The following VCPIP1 variants were observed in gnomAD, a reference collection of about 807,000 sequenced individuals.
The protein encoded by VCPIP1 is deubiquitinating protein VCPIP1.
A neutral mutation model predicts 85.0 loss-of-function variants in VCPIP1; 8 were observed. The ratio of observed to expected loss-of-function variants is 0.09; its 90% CI spans 0.06 to 0.17. The LOEUF (loss-of-function observed/expected upper bound fraction) is 0.17. Among genes scored for constraint, VCPIP1 ranks in the 10% least tolerant of loss-of-function variants. The pLI, the probability that VCPIP1 is intolerant of heterozygous loss-of-function variation, is 1.00. For missense variants in VCPIP1, 1,070 were observed against 1,486.3 expected, an observed-to-expected ratio of 0.72 and a Z score of 4.61; for synonymous variants, 543 against 544.5, an observed-to-expected ratio of 1.00 and a Z score of 0.04.
In VCPIP1 at chr8:66,631,199, T is replaced by C. The variant is rs1586619169; in HGVS notation, c.*3302A>G. Reference sequence around the variant, plus strand: ...GTGTAGTATTTTAAGTATGAACCAATTGAAATTACTGTTGAAAAATGAAGA... The same window carrying C: ...GTGTAGTATTTTAAGTATGAACCAACTGAAATTACTGTTGAAAAATGAAGA... On this transcript the variant is annotated 3_prime_UTR_variant, in exon 3 of 3. Transcript: ENST00000310421. 6.6e-6 allele frequency: 1 copy of C among 152,246 alleles called. No homozygotes were observed. The highest frequency in any genetic ancestry group is 6.5e-5 in the Admixed American group (1 of 15,296). The allele number at this position is 152,246 out of a possible 1,614,324, so 9.4% of individuals were successfully genotyped here.
intron 2 of VCPIP1, among the ~76,000 whole-genome samples, chr8:66,650,092 T>C (rs1484605820): frequency 6.6e-6 from 1 of 151,786 alleles, no homozygotes; most frequent in Non-Finnish European, 1.5e-5. Context: ...TCTTTAGAAA[T>C]ACATATTGAA....
chr8:66,650,447 T>C (rs143797943), intron 2 of VCPIP1, among the ~76,000 whole-genome samples: 9 of 152,210 alleles, frequency 5.9e-5, no homozygotes, highest in Non-Finnish European at 1.2e-4. Flanking sequence ...AGCATTAACA[T>C]AAAATCTTTG....
chr8:66,638,692 T>C (rs910221835), intron 2 of VCPIP1, among the ~76,000 whole-genome samples: 6 of 151,662 alleles, frequency 4.0e-5, no homozygotes, highest in Non-Finnish European at 7.4e-5. Flanking sequence ...GGCAGGAGAA[T>C]GGTGTGAACC....
intron 1 of VCPIP1, among the ~76,000 whole-genome samples, chr8:66,659,021 C>A (rs1396487106): frequency 6.6e-6 from 1 of 152,100 alleles, no homozygotes; most frequent in Non-Finnish European, 1.5e-5. Flanking sequence ...CTGACAAATT[C>A]TGTTCTTCAC....
chr8:66,666,815 G>A lies in VCPIP1; in HGVS notation c.144C>T (p.Ser48=). The A allele has an allele frequency of 6.2e-7, 1 of 1,613,958 alleles. No homozygotes were observed. The highest frequency in any genetic ancestry group is 1.1e-5 in the South Asian group (1 of 91,086). Residue 48 remains serine, a synonymous_variant, in exon 1 of 3, where the codon AGC becomes AGT. Transcript: ENST00000310421. This position sits in a 1 kb window ranked among gnomAD's most constrained non-coding sequence, Gnocchi z 6.3. ...KRRDRRILSG[S]CPDPKCQARL... ...GCGCCTGACACTTCGGATCCGGGCA[G>A]CTCCCGGAAAGGATTCTCCGGTCTC...
At position 66,665,976 on chromosome 8, in the gene VCPIP1, G is replaced by A; in HGVS notation, c.983C>T (p.Pro328Leu). ...YSATFLPGLIPAEKCTGKDGH... is the reference protein window; with the variant it reads ...YSATFLPGLILAEKCTGKDGH... ...ATCTTTCCCAGTGCACTTCTCTGCAGGGATGAGCCCAGGTAGAAAGGTGGC... is the reference window on the plus strand; with the variant it reads ...ATCTTTCCCAGTGCACTTCTCTGCAAGGATGAGCCCAGGTAGAAAGGTGGC... Residue 328 changes from proline to leucine, a missense_variant, in exon 1 of 3, where the codon CCT becomes CTT. By Grantham distance (98) the Pro-to-Leu change is moderately conservative. Around this residue, in one of 8 missense-constraint regions of VCPIP1, gnomAD observed 118 missense variants for 337.1 expected, o/e 0.35. Coordinates refer to ENST00000310421, the MANE Select transcript of VCPIP1 (RefSeq NM_025054.5). This position sits in a 1 kb window ranked among gnomAD's most constrained non-coding sequence, Gnocchi z 4.3. 6.2e-7 allele frequency: 1 copy of A among 1,614,194 alleles called. No homozygotes were observed. Among genetic ancestry groups the A allele is most frequent in the Non-Finnish European group, 8.5e-7 (1 of 1,180,034 alleles).
chr8:66,638,970 C>CTCTCTCTCTCTCTCTCTCTCTATATATA, intron 2 of VCPIP1, among the ~76,000 whole-genome samples: 8 of 118,428 alleles, frequency 6.8e-5, no homozygotes, highest in South Asian at 5.5e-4. Flanking sequence ...CTCTCTCTCT[C>CTCTCTCTCTCTCTCTCTCTCTATATATA]TATATATATA....
intron 2 of VCPIP1, among the ~76,000 whole-genome samples, chr8:66,638,962 CTCTCTCTCTA>C (rs1384715095): frequency 1.1e-4 from 15 of 133,336 alleles, no homozygotes; most frequent in African/African-American, 2.8e-4. Context: ...CTCTCTCTCT[CTCTCTCTCTA>C]TATATATATA....
rs1810818374 is a variant in VCPIP1 at position 66,629,956 on chromosome 8, C to T, written c.*4545G>A. ...TCCTGTACGATAACCCGCTTAAGTT[C>T]AACAAGAAAACTTTATTATTTAAGA... On this transcript the variant is annotated 3_prime_UTR_variant, in exon 3 of 3. Coordinates refer to ENST00000310421, the MANE Select transcript of VCPIP1 (RefSeq NM_025054.5). 2 of 152,036 alleles carry T rather than the reference C, an allele frequency of 1.3e-5. No individual in the cohort carries two copies. The highest frequency in any genetic ancestry group is 2.4e-5 in the African/African-American group (1 of 41,390). 9.4% of individuals were successfully genotyped at this position (152,036 alleles called of 1,614,324 possible).
intron 1 of VCPIP1, among the ~76,000 whole-genome samples, chr8:66,659,078 AG>A (rs1811128516): frequency 6.6e-6 from 1 of 152,196 alleles, no homozygotes; most frequent in African/African-American, 2.4e-5. Context: ...AAACAAAACT[AG>A]AAACTTAATG....
chr8:66,645,193 G>A (rs1025417197), intron 2 of VCPIP1, among the ~76,000 whole-genome samples: 2 of 151,612 alleles, frequency 1.3e-5, no homozygotes, highest in Non-Finnish European at 2.9e-5. Context: ...GACTGAGGCA[G>A]GCAGATCACG....
intron 2 of VCPIP1, among the ~76,000 whole-genome samples, chr8:66,649,147 G>A (rs922000777): frequency 2.0e-5 from 3 of 152,006 alleles, no homozygotes; most frequent in African/African-American, 7.2e-5. Flanking sequence ...TCCAGCCTGG[G>A]CAACAGAGCA....
intron 2 of VCPIP1, among the ~76,000 whole-genome samples, chr8:66,649,099 G>A (rs912008922): frequency 1.3e-5 from 2 of 152,062 alleles, no homozygotes; most frequent in Non-Finnish European, 2.9e-5. Flanking sequence ...GAGGATTGAC[G>A]CTAGAGGCTG....
rs1810870370 is a variant in VCPIP1, at chr8:66,634,984, A to G, written c.3186T>C (p.Asn1062=). ...CAGAAGGCTCTGTTTTAGTGGAACT[A>G]TTACTAAAGTCTGTCCCTGTATTAT... ...RKHNTGTDFS[N]SSTKTEPSVF... Residue 1062 remains asparagine (N), a synonymous_variant, in exon 3 of 3, where the codon AAT becomes AAC. Transcript: ENST00000310421. The G allele has an allele frequency of 1.9e-6, 3 of 1,613,376 alleles. No individual in the cohort carries two copies. Among genetic ancestry groups the G allele is most frequent in the East Asian group, 2.2e-5 (1 of 44,890 alleles).
Position 66,634,606 on chromosome 8 carries a change from G to A in VCPIP1, c.3564C>T (p.Ala1188=). The A allele has an allele frequency of 6.2e-7, 1 of 1,614,136 alleles. No homozygotes were observed. Among genetic ancestry groups the A allele is most frequent in the Non-Finnish European group, 8.5e-7 (1 of 1,180,022 alleles). The change falls in exon 3 of 3, where the codon GCC becomes GCT. Residue 1188 remains alanine, a synonymous_variant. Coordinates refer to ENST00000310421, the MANE Select transcript of VCPIP1 (RefSeq NM_025054.5). ...CVADALGAAF[A]TRSKAQRGNS... ...TTCCCCTTTGTGCTTTTGACCTTGT[G>A]GCAAAGGCTGCTCCCAGTGCATCTG...
rs1810863394 is a variant in VCPIP1 at position 66,634,434 on chromosome 8, C to T, written c.*67G>A. 1.6e-5 allele frequency: 24 copies of T among 1,501,166 alleles called. No individual in the cohort carries two copies. The highest frequency in any genetic ancestry group is 2.7e-5 in the South Asian group (2 of 73,662). The allele number at this position is 1,501,166 out of a possible 1,614,324, so 93.0% of individuals were successfully genotyped here. On this transcript the variant is annotated 3_prime_UTR_variant, in exon 3 of 3. Coordinates refer to ENST00000310421, the MANE Select transcript of VCPIP1 (RefSeq NM_025054.5). ...AGATTTTTAATGACTAATCAAGTTA[C>T]GTGGCCCAGCCAACAAATATTACAT...
At chr8:66,638,966 C>CTATATATATATATA (rs1352372228) in intron 2 of VCPIP1, among the ~76,000 whole-genome samples, 11 of 130,952 alleles carry the variant, frequency 8.4e-5, no homozygotes, top group African/African-American at 3.8e-4. Context: ...CTCTCTCTCT[C>CTATATATATATATA]TCTCTATATA....
chr8:66,667,173 G>T lies in VCPIP1; in HGVS notation c.-215C>A, dbSNP rs545242612. 876 of 1,020,124 alleles carry T rather than the reference G, an allele frequency of 8.6e-4. 5 individuals carry two copies. Among genetic ancestry groups the T allele is most frequent in the Non-Finnish European group, 9.8e-4 (728 of 743,356 alleles). 63.2% of individuals were successfully genotyped at this position (1,020,124 alleles called of 1,614,324 possible). ...CCGTAGCCGTTGCCCCGAACGTAAC[G>T]GCCACCACCCCACCCCGCACTCACA... On this transcript the variant is annotated 5_prime_UTR_variant, in exon 1 of 3. Transcript: ENST00000310421.
In VCPIP1 at chr8:66,634,524, T is replaced by C. The variant is rs1810864255; in HGVS notation, c.3646A>G (p.Thr1216Ala). Residue 1216 changes from threonine (T) to alanine (A), a missense_variant, in exon 3 of 3, where the codon ACT becomes GCT. Thr to Ala is a moderately conservative substitution (Grantham distance 58, BLOSUM62 0). Around this residue, in one of 8 missense-constraint regions of VCPIP1, gnomAD observed 255 missense variants for 289.5 expected, o/e 0.88. Coordinates refer to ENST00000310421, the MANE Select transcript of VCPIP1 (RefSeq NM_025054.5). ...AATCAAGAGTGATCCATTGGCTCAG[T>C]TGTGTTAGTCATCTCAGCATCTTGA... is the stretch of plus-strand genomic sequence containing the variant. ...DSQDAEMTNT[T>A]EPMDHS The C allele has an allele frequency of 6.2e-6, 10 of 1,606,810 alleles. No individual in the cohort carries two copies. Among genetic ancestry groups the C allele is most frequent in the Middle Eastern group, 1.7e-4 (1 of 6,016 alleles).
Sources: gnomAD v4.1 joint callset for allele counts (sites outside exome capture counted in the v4.1 genomes callset) on GRCh38, gnomAD v4.1.1 for gene constraint, gnomAD v4.1.1 regional missense constraint, Gnocchi (gnomAD v3.1) non-coding constraint, MANE v1.5 for transcripts, NCBI Gene and HGNC (gene_info 2026-07-23, HGNC 2026-07-21) for gene names.